IL1RAPL2: variants seen among roughly 807,000 people sequenced by gnomAD.
IL1RAPL2 encodes the protein interleukin 1 receptor accessory protein like 2.
IL1RAPL2 carries 3 observed loss-of-function variants against 44.1 expected under a neutral mutation model. The observed-to-expected ratio is 0.07, with a 90% CI of 0.03 to 0.18. The LOEUF is 0.18. Ranked by LOEUF, IL1RAPL2 falls within the 10% of genes least tolerant of loss-of-function variation. IL1RAPL2 has a pLI of 1.00. For synonymous variants in IL1RAPL2, 181 were observed against 178.8 expected (o/e 1.01, Z -0.10); for missense variants, 391 against 496.4 (o/e 0.79, Z 2.02).
chrX:105,218,934 A>G (rs1487199804), intron 3 of IL1RAPL2: 2 of 1,170,960 alleles, frequency 1.7e-6, no homozygotes, highest in Non-Finnish European at 2.3e-6. Flanking sequence ...CGAGATATAC[A>G]TGCTTCGGTT....
At chrX:104,757,918 A>T (rs1264388049) in intron 2 of IL1RAPL2, among the ~76,000 whole-genome samples, 1 of 112,256 alleles carries the variant, frequency 8.9e-6, no homozygotes, top group Middle Eastern at 4.2e-3. Context: ...ACATGCTGAA[A>T]AAAAGGTTAT....
At chrX:104,891,747 C>T (rs773884917) in intron 2 of IL1RAPL2, among the ~76,000 whole-genome samples, 1 of 111,718 alleles carries the variant, frequency 9.0e-6, no homozygotes. Flanking sequence ...CAAACAAGAA[C>T]AACTTGACTT....
At chrX:104,909,372 T>C (rs1217335563) in intron 2 of IL1RAPL2, among the ~76,000 whole-genome samples, 1 of 112,451 alleles carries the variant, frequency 8.9e-6, no homozygotes, top group Non-Finnish European at 1.9e-5. Flanking sequence ...TCCAGCTTTG[T>C]TCCGTTGCTG....
intron 3 of IL1RAPL2, among the ~76,000 whole-genome samples, chrX:105,199,102 A>T (rs1487234984): frequency 9.0e-6 from 1 of 111,267 alleles, no homozygotes; most frequent in African/African-American, 3.3e-5. Flanking sequence ...TCTGCATGGA[A>T]ATTTGTCTCT....
intron 6 of IL1RAPL2, among the ~76,000 whole-genome samples, chrX:105,670,944 ATATT>A (rs922430164): frequency 1.6e-4 from 17 of 106,515 alleles, no homozygotes; most frequent in African/African-American, 3.4e-4. Context: ...ATAATATATA[ATATT>A]TATTATTTAT....
chrX:104,754,515 G>A (rs987468937), intron 2 of IL1RAPL2, among the ~76,000 whole-genome samples: 1 of 111,453 alleles, frequency 9.0e-6, no homozygotes, highest in Non-Finnish European at 1.9e-5. Flanking sequence ...TGGAGATAGG[G>A]ATTAGAGGCA....
chrX:105,183,439 T>C (rs2033554446), intron 2 of IL1RAPL2, among the ~76,000 whole-genome samples: 1 of 111,489 alleles, frequency 9.0e-6, no homozygotes, highest in Non-Finnish European at 1.9e-5. Context: ...AATGGCAGCA[T>C]CCCCAGGCAA....
intron 5 of IL1RAPL2, among the ~76,000 whole-genome samples, chrX:105,421,088 A>G (rs747308081): frequency 4.5e-5 from 5 of 111,858 alleles, no homozygotes; most frequent in African/African-American, 1.6e-4. Flanking sequence ...TGGTCAGAGC[A>G]CAGTTTGGTT....
At chrX:105,467,327 C>T (rs913323388) in intron 5 of IL1RAPL2, among the ~76,000 whole-genome samples, 2 of 111,572 alleles carry the variant, frequency 1.8e-5, no homozygotes, top group Non-Finnish European at 3.8e-5. Context: ...GAAGTACTGA[C>T]TTCCATCATC....
chrX:104,986,880 G>A (rs1602871466), intron 2 of IL1RAPL2, among the ~76,000 whole-genome samples: 1 of 112,021 alleles, frequency 8.9e-6, no homozygotes, highest in Non-Finnish European at 1.9e-5. Flanking sequence ...TTTCTTTTAA[G>A]TACCAAATAC....
intron 5 of IL1RAPL2, among the ~76,000 whole-genome samples, chrX:105,458,657 T>G (rs2036072920): frequency 9.0e-6 from 1 of 111,395 alleles, no homozygotes; most frequent in African/African-American, 3.3e-5. Context: ...CATTACCCAG[T>G]TTTTCCTTTT....
intron 2 of IL1RAPL2, among the ~76,000 whole-genome samples, chrX:104,807,158 TA>T (rs1250579812): frequency 9.0e-6 from 1 of 110,950 alleles, no homozygotes; most frequent in Non-Finnish European, 1.9e-5. Context: ...TTGCTTGAAA[TA>T]AGGATTTTGT....
chrX:104,898,475 C>A (rs770319566), intron 2 of IL1RAPL2, among the ~76,000 whole-genome samples: 29 of 112,366 alleles, frequency 2.6e-4, no homozygotes, highest in Non-Finnish European at 4.7e-4. Context: ...TTTTCTAATC[C>A]TTATTTCAAA....
chrX:105,233,390 T>C (rs376186675), intron 3 of IL1RAPL2, among the ~76,000 whole-genome samples: 2 of 112,567 alleles, frequency 1.8e-5, no homozygotes, highest in East Asian at 5.6e-4. Context: ...AAATATTGGC[T>C]GAGAAACCAA....
chrX:105,060,438 C>T (rs1355438218), intron 2 of IL1RAPL2, among the ~76,000 whole-genome samples: 1 of 111,542 alleles, frequency 9.0e-6, no homozygotes, highest in Non-Finnish European at 1.9e-5. Flanking sequence ...ATCCTTGCAT[C>T]CTTTGGGTAA....
chrX:105,124,415 G>A (rs2032955141), intron 2 of IL1RAPL2, among the ~76,000 whole-genome samples: 1 of 110,541 alleles, frequency 9.0e-6, no homozygotes, highest in Admixed American at 9.6e-5. Context: ...ACAAAGTCAT[G>A]GCGTCAAGAT....
intron 2 of IL1RAPL2, among the ~76,000 whole-genome samples, chrX:104,877,931 T>G (rs979100480): frequency 8.9e-6 from 1 of 112,149 alleles, no homozygotes; most frequent in Admixed American, 9.4e-5. Context: ...TTAGTAAAAA[T>G]CTAAGCCTCC....
At chrX:104,749,789 G>T (rs1487821282) in intron 2 of IL1RAPL2, among the ~76,000 whole-genome samples, 1 of 111,637 alleles carries the variant, frequency 9.0e-6, no homozygotes, top group Non-Finnish European at 1.9e-5. Context: ...TATTTCAATG[G>T]GTGAATATAT....
At chrX:105,081,914 G>C (rs59224461) in intron 2 of IL1RAPL2, among the ~76,000 whole-genome samples, 1 of 111,990 alleles carries the variant, frequency 8.9e-6, no homozygotes, top group Admixed American at 9.5e-5. Flanking sequence ...AAGTTCATCA[G>C]GGATATTGGC....
Sources: gnomAD v4.1 joint callset for allele counts (sites outside exome capture counted in the v4.1 genomes callset) on GRCh38, gnomAD v4.1.1 for gene constraint, MANE v1.5 for transcripts, NCBI Gene and HGNC (gene_info 2026-07-23, HGNC 2026-07-21) for gene names.